MARCHF1: variants seen among roughly 807,000 people sequenced by gnomAD.
MARCHF1 encodes E3 ubiquitin-protein ligase MARCHF1.
MARCHF1 carries 40 observed loss-of-function variants against 54.2 expected under a neutral mutation model. That is an observed-to-expected ratio of 0.74 (90% CI 0.57 to 0.96). The LOEUF (loss-of-function observed/expected upper bound fraction) is 0.96. Among genes scored for constraint, MARCHF1 ranks in the 40% least tolerant of loss-of-function variants. The probability of loss-of-function intolerance (pLI) is 0.00; values close to 1 mark genes in which losing one functional copy is unlikely to be tolerated. For missense variants in MARCHF1, 586 were observed against 656.5 expected (o/e 0.89, Z 1.17); for synonymous variants, 236 against 236.3 (o/e 1.00, Z 0.01).
intron 3 of MARCHF1, among the ~76,000 whole-genome samples, chr4:163,922,487 AAT>A (rs1251134690): frequency 6.6e-6 from 1 of 152,134 alleles, no homozygotes; most frequent in African/African-American, 2.4e-5. Flanking sequence ...ACTCTACCAA[AAT>A]ATCTCTGGCA....
chr4:163,823,243 T>C (rs1256424249), intron 4 of MARCHF1, among the ~76,000 whole-genome samples: 1 of 151,782 alleles, frequency 6.6e-6, no homozygotes, highest in Non-Finnish European at 1.5e-5. Flanking sequence ...GTATCTTGTA[T>C]GGACTACCTC....
intron 4 of MARCHF1, among the ~76,000 whole-genome samples, chr4:163,764,158 T>C (rs1284125817): frequency 1.3e-5 from 2 of 152,048 alleles, no homozygotes; most frequent in East Asian, 3.8e-4. Context: ...GCCCAGGCAT[T>C]GTTCCAGCAT....
At chr4:163,539,084 G>A (rs996708803) in intron 9 of MARCHF1, among the ~76,000 whole-genome samples, 9 of 151,956 alleles carry the variant, frequency 5.9e-5, no homozygotes, top group South Asian at 2.1e-4. Flanking sequence ...GCAGTGGTGC[G>A]ATCTCAGCTC....
intron 4 of MARCHF1, among the ~76,000 whole-genome samples, chr4:163,733,181 A>G (rs28567408): frequency 0.03 from 375 of 12,502 alleles, 24 homozygotes; most frequent in African/African-American, 0.079. Context: ...ATGTGTGTAT[A>G]TATATATATA....
intron 4 of MARCHF1, among the ~76,000 whole-genome samples, chr4:163,759,533 T>C (rs567884267): frequency 1.3e-5 from 2 of 152,328 alleles, no homozygotes; most frequent in African/African-American, 4.8e-5. Flanking sequence ...GAAGCACATC[T>C]GTATGCTGGT....
At chr4:163,608,781 T>C (rs1367280275) in intron 7 of MARCHF1, among the ~76,000 whole-genome samples, 1 of 151,924 alleles carries the variant, frequency 6.6e-6, no homozygotes, top group Non-Finnish European at 1.5e-5. Flanking sequence ...GCTTCTTTCT[T>C]TTTTGTGGTT....
At chr4:163,533,956 A>T (rs991250120) in intron 9 of MARCHF1, among the ~76,000 whole-genome samples, 1 of 151,766 alleles carries the variant, frequency 6.6e-6, no homozygotes, top group African/African-American at 2.4e-5. Context: ...CTATACCTCT[A>T]TTTATTTTAT....
chr4:163,848,527 C>T (rs1355394864), intron 4 of MARCHF1, among the ~76,000 whole-genome samples: 1 of 152,146 alleles, frequency 6.6e-6, no homozygotes, highest in African/African-American at 2.4e-5. Context: ...CACCTTCTTA[C>T]TTCGGATTCT....
At chr4:164,138,719 T>C (rs1756456934) in intron 1 of MARCHF1, among the ~76,000 whole-genome samples, 1 of 152,176 alleles carries the variant, frequency 6.6e-6, no homozygotes, top group African/African-American at 2.4e-5. Flanking sequence ...AAGAGGGAGA[T>C]TCATCACCTC....
intron 4 of MARCHF1, among the ~76,000 whole-genome samples, chr4:163,712,157 G>A (rs973509682): frequency 2.0e-5 from 3 of 152,060 alleles, no homozygotes; most frequent in Admixed American, 1.3e-4. Context: ...ATGGTGGAAT[G>A]TTTTCATTAG....
chr4:163,716,290 A>T (rs987364073), intron 4 of MARCHF1, among the ~76,000 whole-genome samples: 5 of 152,222 alleles, frequency 3.3e-5, no homozygotes, highest in Non-Finnish European at 7.3e-5. Flanking sequence ...AATTTTAAAA[A>T]TAAGTTTCAG....
At chr4:163,857,126 A>G (rs1224006708) in intron 3 of MARCHF1, among the ~76,000 whole-genome samples, 1 of 150,350 alleles carries the variant, frequency 6.7e-6, no homozygotes, top group African/African-American at 2.4e-5. Flanking sequence ...AAAAACAAGG[A>G]AAGACCGTTG....
intron 4 of MARCHF1, among the ~76,000 whole-genome samples, chr4:163,780,263 C>CA: frequency 6.6e-6 from 1 of 152,148 alleles, no homozygotes; most frequent in South Asian, 2.1e-4. Context: ...GTGGCTGTGA[C>CA]AATAGAAAGA....
intron 1 of MARCHF1, among the ~76,000 whole-genome samples, chr4:164,274,901 C>A (rs945975189): frequency 6.6e-6 from 1 of 150,798 alleles, no homozygotes; most frequent in African/African-American, 2.4e-5. Flanking sequence ...TGGTCTCGAT[C>A]TCCTGACCTC....
intron 3 of MARCHF1, among the ~76,000 whole-genome samples, chr4:163,880,130 T>A (rs186816826): frequency 1.1e-3 from 162 of 151,874 alleles, no homozygotes; most frequent in South Asian, 7.0e-3. Context: ...CTTTCAAAAA[T>A]CCATATTCTT....
intron 1 of MARCHF1, among the ~76,000 whole-genome samples, chr4:164,162,744 A>C (rs1355043677): frequency 2.6e-5 from 4 of 152,170 alleles, no homozygotes; most frequent in Non-Finnish European, 5.9e-5. Flanking sequence ...ATTTTTCAAA[A>C]TAGATGAAAG....
chr4:163,832,875 A>G lies in MARCHF1; in HGVS notation c.111+21146T>C, dbSNP rs190635183. On this transcript the variant is annotated intron_variant, in intron 4 of 9. Coordinates refer to ENST00000514618, the MANE Select transcript of MARCHF1 (RefSeq NM_001394959.1). ...TTGTCCTTGCGATAGTTTGCTGAGA[A>G]TGATGGTTTCCAGGTTCATCCATGT... is the stretch of plus-strand genomic sequence containing the variant. Among the ~76,000 whole-genome samples, 916 of 151,756 alleles carry G rather than the reference A, an allele frequency of 6.0e-3. 6 individuals carry two copies. The highest frequency in any genetic ancestry group is 0.02 in the African/African-American group (842 of 41,344).
rs115198108 is a variant in MARCHF1, at chr4:163,980,950, A to T, written c.-39+7551T>A. 5.6e-3 allele frequency among the ~76,000 whole-genome samples: 859 copies of T among 152,346 alleles called. 3 individuals are homozygous for T. Among genetic ancestry groups the T allele is most frequent in the Non-Finnish European group, 9.5e-3 (643 of 68,032 alleles). ...TTTCAGCCACTAAGCATTCATAGGC[A>T]TAGACCACTGTATGGAGCTCGCTTA... On this transcript the variant is annotated intron_variant, in intron 3 of 9. Transcript: ENST00000514618.
At chr4:164,227,050 A>G (rs1428463238) in intron 1 of MARCHF1, among the ~76,000 whole-genome samples, 1 of 152,132 alleles carries the variant, frequency 6.6e-6, no homozygotes, top group East Asian at 1.9e-4. Flanking sequence ...AAATTTGTTA[A>G]TAGTGATCCA....
Sources: gnomAD v4.1 joint callset for allele counts (sites outside exome capture counted in the v4.1 genomes callset) on GRCh38, gnomAD v4.1.1 for gene constraint, MANE v1.5 for transcripts, NCBI Gene and HGNC (gene_info 2026-07-23, HGNC 2026-07-21) for gene names.